Variants in KAT6B observed in about 807,000 individuals in gnomAD.
The protein encoded by KAT6B is lysine acetyltransferase 6B.
A neutral mutation model predicts 187.5 loss-of-function variants in KAT6B; 10 were observed. That is an observed-to-expected ratio of 0.05 (90% CI 0.03 to 0.09). The LOEUF (loss-of-function observed/expected upper bound fraction) is 0.09, where lower values mean the gene tolerates loss of function less well. Ranked by LOEUF, KAT6B falls within the 10% of genes least tolerant of loss-of-function variation. The probability of loss-of-function intolerance (pLI) is 1.00; values close to 1 mark genes in which losing one functional copy is unlikely to be tolerated. For missense variants in KAT6B, 1,952 were observed against 2,558.9 expected (o/e 0.76, Z 5.12); for synonymous variants, 861 against 926.8 (o/e 0.93, Z 1.29).
At chr10:75,026,623 T>C (rs1845858320) in intron 17 of KAT6B, among the ~76,000 whole-genome samples, 2 of 152,014 alleles carry the variant, frequency 1.3e-5, no homozygotes, top group South Asian at 4.2e-4. Flanking sequence ...AGCCTTATTC[T>C]TTGGGTTTTT....
At chr10:74,964,431 A>G (rs1480636021) in intron 4 of KAT6B, among the ~76,000 whole-genome samples, 1 of 152,058 alleles carries the variant, frequency 6.6e-6, no homozygotes, top group Non-Finnish European at 1.5e-5. Context: ...CCCCTGTGAC[A>G]CCATATTATC....
intron 1 of KAT6B, among the ~76,000 whole-genome samples, chr10:74,833,413 T>C (rs184792849): frequency 6.6e-6 from 1 of 152,330 alleles, no homozygotes; most frequent in Admixed American, 6.5e-5. Context: ...TTCCTCTGTT[T>C]TACAAGGGAT....
intron 3 of KAT6B, among the ~76,000 whole-genome samples, chr10:74,957,356 G>A (rs1840762966): frequency 6.6e-6 from 1 of 152,218 alleles, no homozygotes; most frequent in Non-Finnish European, 1.5e-5. Flanking sequence ...ATGGTTGTGA[G>A]CATACATCAG....
chr10:75,023,831 C>T (rs918207402), intron 16 of KAT6B: 3 of 152,076 alleles, frequency 2.0e-5, no homozygotes, highest in Non-Finnish European at 4.4e-5. Context: ...CAAAGCAAGA[C>T]TCTGTCTCTA....
At chr10:74,871,948 C>G (rs1292489016) in intron 3 of KAT6B, among the ~76,000 whole-genome samples, 1 of 152,156 alleles carries the variant, frequency 6.6e-6, no homozygotes, top group Admixed American at 6.5e-5. Context: ...TTCAGCCCAC[C>G]TGAGAGGACA....
At chr10:74,931,399 A>C (rs1848865689) in intron 3 of KAT6B, among the ~76,000 whole-genome samples, 1 of 151,998 alleles carries the variant, frequency 6.6e-6, no homozygotes. Context: ...AATTCCCTTC[A>C]AGACTCACCT....
At chr10:75,023,852 ATAAG>A (rs772510327) in intron 16 of KAT6B, 5 of 152,128 alleles carry the variant, frequency 3.3e-5, no homozygotes, top group Admixed American at 1.3e-4. Flanking sequence ...TAAAAAATAA[ATAAG>A]TATTTTTAAA....
chr10:74,870,454 A>T (rs1025620165), intron 3 of KAT6B, among the ~76,000 whole-genome samples: 1 of 152,372 alleles, frequency 6.6e-6, no homozygotes, highest in Non-Finnish European at 1.5e-5. Flanking sequence ...ATGAGCAGCA[A>T]CAAGGATGTC....
intron 3 of KAT6B, among the ~76,000 whole-genome samples, chr10:74,846,306 A>G (rs1842095491): frequency 6.6e-6 from 1 of 152,190 alleles, no homozygotes; most frequent in Non-Finnish European, 1.5e-5. Flanking sequence ...AAAGTTATGA[A>G]ATTTTCTTCT....
chr10:74,995,757 A>G (rs1374284171), intron 13 of KAT6B, among the ~76,000 whole-genome samples: 4 of 152,188 alleles, frequency 2.6e-5, no homozygotes, highest in South Asian at 2.1e-4. Context: ...GTTGTTTCCA[A>G]TATTTTGCAG....
At chr10:74,880,156 T>A (rs1278583644) in intron 3 of KAT6B, among the ~76,000 whole-genome samples, 1 of 152,222 alleles carries the variant, frequency 6.6e-6, no homozygotes, top group Non-Finnish European at 1.5e-5. Context: ...ACAAAGTCAT[T>A]CACCACTGTC....
intron 3 of KAT6B, among the ~76,000 whole-genome samples, chr10:74,956,276 A>T (rs367888620): frequency 6.6e-6 from 1 of 152,286 alleles, no homozygotes; most frequent in East Asian, 1.9e-4. Flanking sequence ...CAAGAATACT[A>T]TATAGGTGGT....
intron 3 of KAT6B, among the ~76,000 whole-genome samples, chr10:74,957,391 G>T (rs1354173845): frequency 1.3e-5 from 2 of 152,224 alleles, no homozygotes; most frequent in African/African-American, 4.8e-5. Context: ...CTTGAATGTA[G>T]CGTGAAGTGA....
chr10:74,901,500 G>C (rs1315422764), intron 3 of KAT6B, among the ~76,000 whole-genome samples: 2 of 152,208 alleles, frequency 1.3e-5, no homozygotes, highest in Non-Finnish European at 2.9e-5. Context: ...GGTAAAAACA[G>C]ATGTGAAAGA....
chr10:74,970,183 A>G (rs1450712259), intron 6 of KAT6B, 82 bp downstream of exon 6: 3 of 1,054,086 alleles, frequency 2.8e-6, no homozygotes, highest in African/African-American at 3.2e-5. Flanking sequence ...TCAGAGGTAT[A>G]CAGGTTCTTT....
chr10:74,870,494 A>C (rs1467845957), intron 3 of KAT6B, among the ~76,000 whole-genome samples: 1 of 152,232 alleles, frequency 6.6e-6, no homozygotes, highest in Non-Finnish European at 1.5e-5. Context: ...CAAGTCTCCC[A>C]GTCACATACT....
At chr10:74,875,780 T>C (rs1444692471) in intron 3 of KAT6B, among the ~76,000 whole-genome samples, 1 of 152,168 alleles carries the variant, frequency 6.6e-6, no homozygotes, top group Admixed American at 6.5e-5. Flanking sequence ...TTCCTTTTTC[T>C]CAAACATTTA....
intron 13 of KAT6B, among the ~76,000 whole-genome samples, chr10:74,993,054 C>T (rs183052590): frequency 3.7e-4 from 57 of 152,328 alleles, no homozygotes; most frequent in Admixed American, 6.5e-4. Context: ...CTCTCTCCCT[C>T]CGTCCCCACC....
intron 3 of KAT6B, among the ~76,000 whole-genome samples, chr10:74,949,633 A>G (rs1428516760): frequency 6.6e-6 from 1 of 152,166 alleles, no homozygotes; most frequent in Non-Finnish European, 1.5e-5. Flanking sequence ...CCACACAATT[A>G]AAAACTGTTG....
Sources: gnomAD v4.1 joint callset for allele counts (sites outside exome capture counted in the v4.1 genomes callset) on GRCh38, gnomAD v4.1.1 for gene constraint, MANE v1.5 for transcripts, NCBI Gene and HGNC (gene_info 2026-07-23, HGNC 2026-07-21) for gene names.